Variants in KIF15 observed in about 807,000 individuals in gnomAD.
KIF15 encodes the protein kinesin family member 15.
A neutral mutation model predicts 190.6 loss-of-function variants in KIF15; 140 were observed. The ratio of observed to expected loss-of-function variants is 0.73; its 90% CI spans 0.64 to 0.84. KIF15 has a LOEUF of 0.84. Among genes scored for constraint, KIF15 ranks in the 40% least tolerant of loss-of-function variants. The pLI is 0.00. For missense variants in KIF15, 1,372 were observed against 1,584.4 expected, an observed-to-expected ratio of 0.87 and a Z score of 2.28; for synonymous variants, 528 against 551.3, an observed-to-expected ratio of 0.96 and a Z score of 0.59.
intron 1 of KIF15, 111 bp downstream of exon 1, chr3:44,761,995 A>G (rs1705166633): frequency 7.3e-7 from 1 of 1,375,644 alleles, no homozygotes; most frequent in Non-Finnish European, 1.0e-6. Flanking sequence ...GAACTGCAGG[A>G]GCTGAGTGAC....
At chr3:44,773,590 A>T (rs189651449) in intron 1 of KIF15, among the ~76,000 whole-genome samples, 2 of 152,318 alleles carry the variant, frequency 1.3e-5, no homozygotes, top group Admixed American at 1.3e-4. Context: ...AATGCCACAG[A>T]AAGGCTGGGT....
intron 25 of KIF15, among the ~76,000 whole-genome samples, chr3:44,830,389 C>G (rs1022644540): frequency 4.6e-5 from 7 of 152,034 alleles, no homozygotes; most frequent in African/African-American, 1.7e-4. Context: ...GGTTGCTGGC[C>G]GTAACAGTTA....
chr3:44,797,188 C>T (rs1380533379), intron 8 of KIF15, among the ~76,000 whole-genome samples: 1 of 152,020 alleles, frequency 6.6e-6, no homozygotes, highest in Non-Finnish European at 1.5e-5. Context: ...CCACCATGCC[C>T]AGCAGTTTTT....
chr3:44,768,614 C>G (rs1705512137), intron 1 of KIF15, among the ~76,000 whole-genome samples: 1 of 152,058 alleles, frequency 6.6e-6, no homozygotes, highest in Non-Finnish European at 1.5e-5. Flanking sequence ...TTTCAGTGAC[C>G]CGGCAGGCGT....
At chr3:44,767,083 T>C (rs1705424254) in intron 1 of KIF15, among the ~76,000 whole-genome samples, 1 of 152,166 alleles carries the variant, frequency 6.6e-6, no homozygotes, top group South Asian at 2.1e-4. Context: ...GTACTGGGAT[T>C]ACAGGTGTGA....
rs147698358 is a variant in KIF15, at chr3:44,830,032, C to A, written c.3005C>A (p.Thr1002Lys). Residue 1002 changes from threonine (T) to lysine (K), a missense_variant, in exon 25 of 35, where the codon ACA (threonine) becomes AAA (lysine). By Grantham distance (78) the Thr-to-Lys change is moderately conservative. Coordinates refer to ENST00000326047, the MANE Select transcript of KIF15 (RefSeq NM_020242.3). Reference protein sequence around the residue: ...QELRTSVCEKTETIDTLKQEL... With the variant: ...QELRTSVCEKKETIDTLKQEL... The stretch of plus-strand genomic sequence containing the variant: ...CTAAGAACATCGGTCTGTGAGAAAA[C>A]AGAAACTATAGACACCCTGAAACAA... The A allele has an allele frequency of 1.3e-6, 2 of 1,595,342 alleles. No individual in the cohort carries two copies. The highest frequency in any genetic ancestry group is 1.4e-5 in the African/African-American group (1 of 73,906).
At chr3:44,840,655 ATTTTTTTTTT>A (rs60621752) in intron 28 of KIF15, among the ~76,000 whole-genome samples, 199 bp downstream of exon 28, 5 of 67,024 alleles carry the variant, frequency 7.5e-5, no homozygotes, top group African/African-American at 2.6e-4. Flanking sequence ...TAAGCAGCGG[ATTTTTTTTTT>A]TTTTTTTTTT....
At chr3:44,810,401 G>A (rs1056182127) in intron 16 of KIF15, among the ~76,000 whole-genome samples, 1 of 151,890 alleles carries the variant, frequency 6.6e-6, no homozygotes, top group Non-Finnish European at 1.5e-5. Context: ...ACAGGCCTGG[G>A]ACACCATGCC....
intron 16 of KIF15, among the ~76,000 whole-genome samples, chr3:44,809,787 C>T (rs866235329): frequency 6.6e-5 from 10 of 152,028 alleles, no homozygotes; most frequent in East Asian, 1.9e-4. Context: ...TATTTCTGGG[C>T]GGGGTGTGGT....
intron 1 of KIF15, among the ~76,000 whole-genome samples, chr3:44,765,802 G>A (rs534544414): frequency 1.5e-4 from 23 of 152,156 alleles, no homozygotes; most frequent in African/African-American, 5.3e-4. Flanking sequence ...AACCTACACT[G>A]TTCCTGAGAG....
chr3:44,828,148 T>C (rs978333834), intron 23 of KIF15, 66 bp from the exon 24 acceptor site: 1 of 1,103,620 alleles, frequency 9.1e-7, no homozygotes, highest in African/African-American at 1.6e-5. Context: ...TCAACTTGTT[T>C]ATCTGTGTGT....
At chr3:44,853,824 A>G (rs540251633), downstream of KIF15, among the ~76,000 whole-genome samples, 9 of 152,360 alleles carry the variant, frequency 5.9e-5, no homozygotes, top group South Asian at 1.0e-3. Context: ...TTACTTGGCA[A>G]TAAAAAGGGA....
chr3:44,805,357 A>G (rs954956959), intron 15 of KIF15, among the ~76,000 whole-genome samples, 189 bp downstream of exon 15: 1 of 152,226 alleles, frequency 6.6e-6, no homozygotes, highest in African/African-American at 2.4e-5. Context: ...ACTAGGTAAT[A>G]CAGGTGTTTT....
intron 18 of KIF15, among the ~76,000 whole-genome samples, chr3:44,812,665 G>A (rs753082297): frequency 4.6e-5 from 7 of 152,138 alleles, no homozygotes; most frequent in East Asian, 3.9e-4. Context: ...GGTCAGAGAC[G>A]TTAAAGCTAG....
rs954525520 is a variant in KIF15 at position 44,829,665 on chromosome 3, TATATA to T, written c.2944-300_2944-296del. Among the ~76,000 whole-genome samples the T allele has an allele frequency of 6.0e-5, 8 of 132,342 alleles. 1 individual carries two copies. Among genetic ancestry groups the T allele is most frequent in the Admixed American group, 8.7e-5 (1 of 11,488 alleles). 86.8% of individuals were successfully genotyped at this position (132,342 alleles called of 152,430 possible). ...ATATTATATATGTATATATTATGTATATATAATATATGTATATATATTATAGATGT... is the reference window on the plus strand; with the variant it reads ...ATATTATATATGTATATATTATGTATATATATGTATATATATTATAGATGT... On this transcript the variant is annotated intron_variant, in intron 24 of 34. Transcript: ENST00000326047.
At chr3:44,839,687 TC>T (rs1273952432) in intron 27 of KIF15, among the ~76,000 whole-genome samples, 2 of 152,166 alleles carry the variant, frequency 1.3e-5, no homozygotes, top group African/African-American at 4.8e-5. Flanking sequence ...CATGTCTCCT[TC>T]CACCCCTCAC....
At chr3:44,824,644 C>T (rs1300401665) in intron 20 of KIF15, among the ~76,000 whole-genome samples, 1 of 152,144 alleles carries the variant, frequency 6.6e-6, no homozygotes, top group African/African-American at 2.4e-5. Flanking sequence ...CTCATGGGAT[C>T]TTAATTTCCT....
chr3:44,788,753 C>T (rs1040310559), intron 7 of KIF15, among the ~76,000 whole-genome samples: 3 of 152,150 alleles, frequency 2.0e-5, no homozygotes, highest in African/African-American at 7.2e-5. Context: ...GCCCTATTCT[C>T]TTTGTCTTGT....
intron 3 of KIF15, among the ~76,000 whole-genome samples, chr3:44,776,240 C>CT (rs535104266): frequency 0.011 from 1,618 of 145,044 alleles, 24 homozygotes; most frequent in African/African-American, 0.037. Context: ...CAAAAGCCTT[C>CT]TTTTTTTTTT....
Sources: gnomAD v4.1 joint callset for allele counts (sites outside exome capture counted in the v4.1 genomes callset) on GRCh38, gnomAD v4.1.1 for gene constraint, MANE v1.5 for transcripts, NCBI Gene and HGNC (gene_info 2026-07-23, HGNC 2026-07-21) for gene names.